Variants in DNAH8 observed in about 807,000 individuals in gnomAD.
The protein encoded by DNAH8 is dynein axonemal heavy chain 8.
A neutral mutation model predicts 562.1 loss-of-function variants in DNAH8; 382 were observed. That is an observed-to-expected ratio of 0.68 (90% CI 0.63 to 0.74). The LOEUF is 0.74. DNAH8 is among the 30% of genes least tolerant of loss of function. The probability of loss-of-function intolerance (pLI) is 0.00; values close to 1 mark genes in which losing one functional copy is unlikely to be tolerated. For synonymous variants in DNAH8, 1,881 were observed against 1,919.4 expected (o/e 0.98, Z 0.52); for missense variants, 5,203 against 5,620.4 (o/e 0.93, Z 2.37).
chr6:38,756,313 G>T (rs1289759183), intron 10 of DNAH8, among the ~76,000 whole-genome samples: 1 of 152,038 alleles, frequency 6.6e-6, no homozygotes, highest in African/African-American at 2.4e-5. Flanking sequence ...AAATGTGCCT[G>T]GTGGTTTTTT....
chr6:38,916,002 T>C (rs959272692), intron 68 of DNAH8, among the ~76,000 whole-genome samples: 21 of 152,284 alleles, frequency 1.4e-4, no homozygotes, highest in Admixed American at 6.5e-4. Flanking sequence ...GGAGTAAATT[T>C]GCTTAACTTT....
In DNAH8 at chr6:38,722,730, C is replaced by T; in HGVS notation, c.-34-46C>T. 3 of 1,423,306 alleles carry T rather than the reference C, an allele frequency of 2.1e-6. No individual in the cohort carries two copies. In the South Asian group the frequency reaches 4.5e-5, roughly 21 times the overall value. 88.2% of individuals were successfully genotyped at this position (1,423,306 alleles called of 1,614,324 possible). A position where few individuals can be genotyped will look rare whatever the true frequency, so the allele number is the denominator to read the frequency against. On this transcript the variant is annotated intron_variant, in intron 1 of 92. Transcript: ENST00000327475. Reference sequence around the variant, plus strand: ...AAAGGGGAGTAATAAAAACGTACAACACTCAATTTACTGTAGTTTTAAACG... The same window carrying T: ...AAAGGGGAGTAATAAAAACGTACAATACTCAATTTACTGTAGTTTTAAACG...
At chr6:38,984,500 A>G (rs1436692344) in intron 87 of DNAH8, 193 bp downstream of exon 87, 1 of 548,496 alleles carries the variant, frequency 1.8e-6, no homozygotes, top group East Asian at 3.2e-5. Flanking sequence ...ACACACAACA[A>G]CCAGCAATTG....
At chr6:38,927,385 T>G (rs568965657) in intron 74 of DNAH8, among the ~76,000 whole-genome samples, 8 of 152,190 alleles carry the variant, frequency 5.3e-5, no homozygotes, top group Admixed American at 2.0e-4. Context: ...GAAGCACACC[T>G]AAATACCCCA....
intron 59 of DNAH8, among the ~76,000 whole-genome samples, chr6:38,895,338 C>T (rs771247682): frequency 6.6e-6 from 1 of 152,114 alleles, no homozygotes; most frequent in Non-Finnish European, 1.5e-5. Flanking sequence ...CTCACCTGCC[C>T]ACTGTCTTAA....
At position 38,815,546 on chromosome 6, in the gene DNAH8, G is replaced by T. The variant is rs1263357570; in HGVS notation, c.3412G>T (p.Val1138Leu). ...IQLTLEVSRG[V>L]AHWGQQQIRP... The stretch of plus-strand genomic sequence containing the variant: ...GTTAACCCTGGAGGTCAGCAGAGGA[G>T]TGGCTCACTGGGGGCAACAGCAAAT... The change falls in exon 26 of 93, where the codon GTG becomes TTG. Residue 1138 changes from valine (V) to leucine (L), a missense_variant. This residue lies in a region of DNAH8 where 2,176 missense variants were observed against 2,365.1 expected (regional missense o/e 0.92). Transcript: ENST00000327475. 6.8e-6 allele frequency: 11 copies of T among 1,613,978 alleles called. No homozygotes were observed. The highest frequency in any genetic ancestry group is 9.3e-6 in the Non-Finnish European group (11 of 1,179,854).
At chr6:38,908,802 C>G (rs1266962168) in intron 64 of DNAH8, among the ~76,000 whole-genome samples, 1 of 152,192 alleles carries the variant, frequency 6.6e-6, no homozygotes, top group African/African-American at 2.4e-5. Flanking sequence ...ATTCACCTGC[C>G]TGGGCCTCGC....
intron 60 of DNAH8, 98 bp from the exon 61 acceptor site, chr6:38,898,160 G>A: frequency 9.4e-7 from 1 of 1,061,432 alleles, no homozygotes; most frequent in Non-Finnish European, 1.3e-6. Flanking sequence ...AAAAAGATAT[G>A]TATATTTTAA....
intron 22 of DNAH8, 141 bp downstream of exon 22, chr6:38,803,452 T>C: frequency 1.7e-6 from 1 of 582,512 alleles, no homozygotes; most frequent in South Asian, 3.1e-5. Flanking sequence ...ATCACATTGT[T>C]TGTACCAACA....
At chr6:39,000,774 C>T (rs536727279) in intron 88 of DNAH8, among the ~76,000 whole-genome samples, 7 of 152,204 alleles carry the variant, frequency 4.6e-5, no homozygotes, top group African/African-American at 1.2e-4. Flanking sequence ...TGAATCATCC[C>T]GAAACTTTTC....
At chr6:38,729,374 A>G (rs1471076130) in intron 3 of DNAH8, among the ~76,000 whole-genome samples, 1 of 152,200 alleles carries the variant, frequency 6.6e-6, no homozygotes, top group African/African-American at 2.4e-5. Context: ...TCTATTTACT[A>G]AGATATTACA....
rs1029965505 is a variant in DNAH8 at position 38,943,916 on chromosome 6, A to C, written c.12008-1551A>C. ...CAGACATCCACTTGGCAGATGAGGAAACTGAGAGGGATTCATGTTTTTTTG... is the reference window on the plus strand; with the variant it reads ...CAGACATCCACTTGGCAGATGAGGACACTGAGAGGGATTCATGTTTTTTTG... On this transcript the variant is annotated intron_variant, in intron 79 of 92. Transcript: ENST00000327475. 3.9e-5 allele frequency among the ~76,000 whole-genome samples: 6 copies of C among 152,182 alleles called. No individual in the cohort carries two copies. The East Asian group carries it at 1.2e-3, about 29-fold the overall frequency.
chr6:38,890,492 G>A (rs557235849), intron 57 of DNAH8, among the ~76,000 whole-genome samples, 160 bp from the exon 58 acceptor site: 64 of 152,248 alleles, frequency 4.2e-4, no homozygotes, highest in Non-Finnish European at 9.0e-4. Context: ...TACTAAGCTT[G>A]GCTGGATCCA....
intron 26 of DNAH8, among the ~76,000 whole-genome samples, chr6:38,818,660 A>G (rs564267729): frequency 6.6e-6 from 1 of 152,242 alleles, no homozygotes; most frequent in Admixed American, 6.5e-5. Context: ...TGTTCTAAGC[A>G]TAGAGGGCAA....
chr6:38,903,473 C>T (rs1055985436), intron 62 of DNAH8, among the ~76,000 whole-genome samples: 9 of 152,098 alleles, frequency 5.9e-5, no homozygotes, highest in African/African-American at 2.2e-4. Flanking sequence ...AGGGATCTGC[C>T]TCCATGACCC....
At chr6:38,739,216 G>A (rs1387340824) in intron 7 of DNAH8, among the ~76,000 whole-genome samples, 3 of 152,048 alleles carry the variant, frequency 2.0e-5, no homozygotes, top group African/African-American at 7.2e-5. Flanking sequence ...GGTCCCCATT[G>A]TGTCATGTTT....
intron 69 of DNAH8, 138 bp downstream of exon 69, chr6:38,917,544 C>G (rs1781401339): frequency 1.4e-6 from 1 of 733,982 alleles, no homozygotes; most frequent in African/African-American, 1.8e-5. Flanking sequence ...ACTCCATCAC[C>G]TAAAATGTAA....
intron 65 of DNAH8, among the ~76,000 whole-genome samples, chr6:38,909,952 A>G (rs548410853): frequency 1.3e-5 from 2 of 152,348 alleles, no homozygotes; most frequent in East Asian, 3.9e-4. Flanking sequence ...CCACACTTAA[A>G]TACCTTTTTA....
At chr6:38,894,551 TC>T (rs1561829571) in intron 58 of DNAH8, 149 bp from the exon 59 acceptor site, 1 of 679,528 alleles carries the variant, frequency 1.5e-6, no homozygotes, top group Non-Finnish European at 2.5e-6. Context: ...TTTTTTTCTG[TC>T]CGTGTTGTCA....
Sources: allele counts gnomAD v4.1 joint callset (sites outside exome capture counted in the v4.1 genomes callset), GRCh38; gene constraint gnomAD v4.1.1; regional missense constraint gnomAD v4.1.1; transcripts MANE v1.5; gene names NCBI Gene and HGNC (gene_info 2026-07-23, HGNC 2026-07-21).